HFM1: variants seen among roughly 807,000 people sequenced by gnomAD.
HFM1 encodes probable ATP-dependent DNA helicase HFM1.
In HFM1, 169 loss-of-function variants were observed where a neutral mutation model predicts 192.1. The observed-to-expected ratio is 0.88, with a 90% confidence interval of 0.78 to 1.00. HFM1 has a LOEUF of 1.00. Ranked by LOEUF, HFM1 falls within the 50% of genes least tolerant of loss-of-function variation. HFM1 has a pLI of 0.00. For missense variants in HFM1, 1,661 were observed against 1,668.0 expected, an observed-to-expected ratio of 1.00 and a Z score of 0.07; for synonymous variants, 525 against 537.8, an observed-to-expected ratio of 0.98 and a Z score of 0.33.
Position 91,350,874 on chromosome 1 carries a change from A to C in HFM1, c.2073-3T>G. 2.6e-6 allele frequency: 4 copies of C among 1,563,062 alleles called. No homozygotes were observed. The highest frequency in any genetic ancestry group is 3.5e-6 in the Non-Finnish European group (4 of 1,148,100). On this transcript the variant is annotated splice_region_variant and splice_polypyrimidine_tract_variant and intron_variant, in intron 17 of 38. Transcript: ENST00000370425. The stretch of plus-strand genomic sequence containing the variant: ...GTTCAATAAGATGTCTGTGCAAACT[A>C]ATGAAAAAAAACTTTGCATTATGAA...
intron 30 of HFM1, among the ~76,000 whole-genome samples, chr1:91,292,625 G>C (rs1250535812): frequency 6.6e-6 from 1 of 151,864 alleles, no homozygotes; most frequent in African/African-American, 2.4e-5. Flanking sequence ...TGGCCATACT[G>C]CCCAAGGTAA....
Position 91,267,912 on chromosome 1 carries a change from TTAAGA to T in HFM1, c.3773-62_3773-58del. On this transcript the variant is annotated intron_variant, in intron 34 of 38. Coordinates refer to ENST00000370425, the MANE Select transcript of HFM1 (RefSeq NM_001017975.6). ...TGTCAAATGTTGGTTTCCAGATATA[TTAAGA>T]TTTCTGTTGAAGAACACTGTTTGAG... 1.4e-5 allele frequency: 13 copies of T among 918,614 alleles called. No individual in the cohort carries two copies. In the South Asian group the frequency reaches 2.0e-4, roughly 14 times the overall value. The allele number at this position is 918,614 out of a possible 1,614,324, so 56.9% of individuals were successfully genotyped here.
At chr1:91,313,811 T>G (rs1281375271) in intron 29 of HFM1, 146 bp downstream of exon 29, 1 of 470,780 alleles carries the variant, frequency 2.1e-6, no homozygotes, top group African/African-American at 2.0e-5. Flanking sequence ...ACATGAAACT[T>G]CCTTTGAAGT....
chr1:91,365,638 A>C (rs1659196781), intron 13 of HFM1, among the ~76,000 whole-genome samples: 1 of 152,130 alleles, frequency 6.6e-6, no homozygotes, highest in South Asian at 2.1e-4. Flanking sequence ...GTATTTTTCT[A>C]CTTCCTTGTT....
intron 35 of HFM1, 92 bp downstream of exon 35, chr1:91,267,653 A>C: frequency 1.6e-6 from 1 of 628,280 alleles, no homozygotes; most frequent in Non-Finnish European, 2.7e-6. Flanking sequence ...AAGCACACAC[A>C]ACAAAGGCAA....
chr1:91,320,996 A>T (rs1355849026), intron 23 of HFM1, among the ~76,000 whole-genome samples: 1 of 152,200 alleles, frequency 6.6e-6, no homozygotes, highest in East Asian at 1.9e-4. Context: ...TAAAAGGGGA[A>T]TCCAGAGTTG....
intron 13 of HFM1, among the ~76,000 whole-genome samples, chr1:91,373,276 A>G (rs1660479063): frequency 6.6e-6 from 1 of 152,094 alleles, no homozygotes; most frequent in Non-Finnish European, 1.5e-5. Context: ...GATCTGACCC[A>G]AAGCGGAGAG....
At chr1:91,373,476 A>G (rs1189311193) in intron 13 of HFM1, among the ~76,000 whole-genome samples, 1 of 152,128 alleles carries the variant, frequency 6.6e-6, no homozygotes, top group African/African-American at 2.4e-5. Flanking sequence ...ACCTTCTGCT[A>G]TAATTTGGAT....
chr1:91,337,091 GGGAAGGAGAGCATCA>G (rs1277385319), intron 20 of HFM1, among the ~76,000 whole-genome samples: 2 of 152,158 alleles, frequency 1.3e-5, no homozygotes, highest in Non-Finnish European at 2.9e-5. Context: ...GGAGGGCGAG[GGGAAGGAGAGCATCA>G]GGAAGAATAG....
chr1:91,273,594 T>A, intron 34 of HFM1, 118 bp downstream of exon 34: 1 of 544,996 alleles, frequency 1.8e-6, no homozygotes, highest in South Asian at 2.8e-5. Flanking sequence ...AAGAGAAAAA[T>A]GTTGCCAAGT....
chr1:91,343,244 A>AAAC (rs1557880646), intron 20 of HFM1, among the ~76,000 whole-genome samples, 186 bp downstream of exon 20: 1 of 150,832 alleles, frequency 6.6e-6, no homozygotes, highest in Non-Finnish European at 1.5e-5. Context: ...AAAAAAAAAA[A>AAAC]AAAAAAAAAC....
chr1:91,328,986 T>TG (rs1653370704), intron 20 of HFM1: 1 of 1,612,548 alleles, frequency 6.2e-7, no homozygotes, highest in African/African-American at 1.3e-5. Context: ...GCCAAAAAGC[T>TG]GCCAATCCAG....
intron 20 of HFM1, chr1:91,329,086 G>A (rs1653394364): frequency 3.1e-6 from 5 of 1,610,062 alleles, no homozygotes; most frequent in Non-Finnish European, 4.2e-6. Flanking sequence ...TACTGTAAGA[G>A]TATCTGGAGT....
At chr1:91,290,167 A>G (rs1302827977) in intron 30 of HFM1, among the ~76,000 whole-genome samples, 2 of 152,174 alleles carry the variant, frequency 1.3e-5, no homozygotes, top group Non-Finnish European at 2.9e-5. Context: ...ACCAGCTAAC[A>G]TCATAATGAC....
intron 30 of HFM1, among the ~76,000 whole-genome samples, chr1:91,304,037 T>C (rs1321721239): frequency 6.6e-6 from 1 of 152,040 alleles, no homozygotes; most frequent in Non-Finnish European, 1.5e-5. Context: ...GTATTTTTAG[T>C]AGAGATGGGG....
At chr1:91,360,442 A>G (rs1190897580) in intron 13 of HFM1, among the ~76,000 whole-genome samples, 6 of 152,234 alleles carry the variant, frequency 3.9e-5, no homozygotes, top group Admixed American at 6.5e-5. Context: ...ATCAAAAAAG[A>G]CAAAGAAGGG....
chr1:91,312,322 T>C (rs977961044), intron 30 of HFM1, among the ~76,000 whole-genome samples: 2 of 151,838 alleles, frequency 1.3e-5, no homozygotes, highest in Admixed American at 6.6e-5. Context: ...CACCAACCCA[T>C]GAAAGCAGCC....
In HFM1 at chr1:91,264,361, A is replaced by ATTTTTTTTTTTTTTTTTTTTTT. The variant is rs71087940; in HGVS notation, c.3974+1634_3974+1655dup. ...TTCCAAGGGATACCACAAATTTAGT[A>ATTTTTTTTTTTTTTTTTTTTTT]TTTTTTTTTTTTTTTTTTTTTTTTT... On this transcript the variant is annotated intron_variant, in intron 36 of 38. Transcript: ENST00000370425. Among the ~76,000 whole-genome samples, 271 of 57,090 alleles carry ATTTTTTTTTTTTTTTTTTTTTT rather than the reference A, an allele frequency of 4.7e-3. 51 individuals are homozygous for ATTTTTTTTTTTTTTTTTTTTTT. The highest frequency in any genetic ancestry group is 6.1e-3 in the Non-Finnish European group (201 of 32,972). The allele number at this position is 57,090 out of a possible 152,430, so 37.5% of individuals were successfully genotyped here.
intron 4 of HFM1, 127 bp from the exon 5 acceptor site, chr1:91,385,961 A>G (rs1362933359): frequency 5.7e-6 from 4 of 703,100 alleles, no homozygotes; most frequent in African/African-American, 3.6e-5. Flanking sequence ...CAAAAAAGCT[A>G]AACATTCTCC....
Sources: gnomAD v4.1 joint callset for allele counts (sites outside exome capture counted in the v4.1 genomes callset) on GRCh38, gnomAD v4.1.1 for gene constraint, MANE v1.5 for transcripts, NCBI Gene and HGNC (gene_info 2026-07-23, HGNC 2026-07-21) for gene names.